The following TIFAB variants were observed in gnomAD, a reference collection of about 807,000 sequenced individuals.
TIFAB encodes the protein TRAF-interacting protein with FHA domain-containing protein B.
For synonymous variants in TIFAB, 116 were observed against 95.2 expected, an observed-to-expected ratio of 1.22 and a Z score of -1.27; for missense variants, 222 against 203.6, an observed-to-expected ratio of 1.09 and a Z score of -0.55.
rs73789361 is a variant in TIFAB, at chr5:135,445,363, G to A, written c.*4091C>T. 0.038 allele frequency: 5,850 copies of A among 152,466 alleles called. 147 individuals are homozygous for A. Among genetic ancestry groups the A allele is most frequent in the African/African-American group, 0.066 (2,756 of 41,572 alleles). 9.4% of individuals were successfully genotyped at this position (152,466 alleles called of 1,614,324 possible). Reference sequence around the variant, plus strand: ...CTGCGCTGCCCCAGCCAGAGGGTCTGTGCTGTCCCTGCTGAGGCCTACAGG... The same window carrying A: ...CTGCGCTGCCCCAGCCAGAGGGTCTATGCTGTCCCTGCTGAGGCCTACAGG... On this transcript the variant is annotated 3_prime_UTR_variant, in exon 2 of 2. Coordinates refer to ENST00000537858, the MANE Select transcript of TIFAB (RefSeq NM_001099221.2).
In TIFAB at chr5:135,447,236, C is replaced by T; in HGVS notation, c.*2218G>A. ...ATTATACTAACCCTGCCTATTGGAC[C>T]TTCTGATGCAAGGAGCAGATTAAAA... On this transcript the variant is annotated 3_prime_UTR_variant, in exon 2 of 2. Transcript: ENST00000537858. 8.8e-7 allele frequency: 1 copy of T among 1,139,054 alleles called. No homozygotes were observed. Among genetic ancestry groups the T allele is most frequent in the African/African-American group, 1.5e-5 (1 of 64,612 alleles). The allele number at this position is 1,139,054 out of a possible 1,614,324, so 70.6% of individuals were successfully genotyped here. A position where few individuals can be genotyped will look rare whatever the true frequency, so the allele number is the denominator to read the frequency against.
chr5:135,446,401 G>A lies in TIFAB; in HGVS notation c.*3053C>T, dbSNP rs771910221. The A allele has an allele frequency of 1.9e-5, 30 of 1,608,208 alleles. No homozygotes were observed. Among genetic ancestry groups the A allele is most frequent in the Non-Finnish European group, 2.5e-5 (29 of 1,175,426 alleles). On this transcript the variant is annotated 3_prime_UTR_variant, in exon 2 of 2. Transcript: ENST00000537858. ...ACTCAGGCACGTGGGCTGCCCTGCG[G>A]TGGGAGCTGAGAGAATGCAGTGGAG...
In TIFAB at chr5:135,449,139, T is replaced by C. The variant is rs932720084; in HGVS notation, c.*315A>G. 1.6e-5 allele frequency: 6 copies of C among 380,582 alleles called. No individual in the cohort carries two copies. Among genetic ancestry groups the C allele is most frequent in the Middle Eastern group, 7.9e-4 (1 of 1,272 alleles). The allele number at this position is 380,582 out of a possible 1,614,324, so 23.6% of individuals were successfully genotyped here. The stretch of plus-strand genomic sequence containing the variant: ...CAGGGCCTCTAAAAGTATATGATGT[T>C]CCCATTACATTGCATAGCTCTGGCC... On this transcript the variant is annotated 3_prime_UTR_variant, in exon 2 of 2. Transcript: ENST00000537858.
rs1025667737 is a variant in TIFAB at position 135,446,673 on chromosome 5, C to T, written c.*2781G>A. 3 of 1,613,814 alleles carry T rather than the reference C, an allele frequency of 1.9e-6. No homozygotes were observed. The highest frequency in any genetic ancestry group is 2.7e-5 in the African/African-American group (2 of 74,936). The stretch of plus-strand genomic sequence containing the variant: ...GCAAGGTGTGAGTTTCCCGGTGAGA[C>T]TGTGTGAACTGTGAACGGGTAGAGT... On this transcript the variant is annotated 3_prime_UTR_variant, in exon 2 of 2. Transcript: ENST00000537858.
Position 135,446,999 on chromosome 5 carries a change from A to T in TIFAB, c.*2455T>A. ...TGGAGCTGGGGAGTGGCACCCTGGGAACTCTGGGGTTTCCCCACCAGCTCC... is the reference window on the plus strand; with the variant it reads ...TGGAGCTGGGGAGTGGCACCCTGGGTACTCTGGGGTTTCCCCACCAGCTCC... On this transcript the variant is annotated 3_prime_UTR_variant, in exon 2 of 2. Transcript: ENST00000537858. 6.2e-7 allele frequency: 1 copy of T among 1,613,540 alleles called. No homozygotes were observed. The highest frequency in any genetic ancestry group is 8.5e-7 in the Non-Finnish European group (1 of 1,179,668).
Position 135,449,710 on chromosome 5 carries a change from G to C in TIFAB, c.230C>G (p.Ala77Gly), listed in dbSNP as rs1484868005. The C allele has an allele frequency of 1.2e-6, 2 of 1,614,106 alleles. No individual in the cohort carries two copies. The highest frequency in any genetic ancestry group is 1.7e-5 in the Admixed American group (1 of 60,032). Residue 77 changes from alanine (A) to glycine (G), a missense_variant, in exon 2 of 2, where the codon GCC (alanine) becomes GGC (glycine). Transcript: ENST00000537858. The stretch of plus-strand genomic sequence containing the variant: ...CCACACACAGCCCTTGCGGCTCAGG[G>C]CCTTGAGGCAGAAGGCCAGCAGGGC... ...GSALLAFCLK[A>G]LSRKGCVWVN...
Position 135,445,022 on chromosome 5 carries a change from G to C in TIFAB, c.*4432C>G, listed in dbSNP as rs928509202. On this transcript the variant is annotated 3_prime_UTR_variant, in exon 2 of 2. Transcript: ENST00000537858. Reference sequence around the variant, plus strand: ...CTGCATAGCCCAGGGGTGGAGAGAGGGGTCAGACTAGAACCTATGGAGACT... The same window carrying C: ...CTGCATAGCCCAGGGGTGGAGAGAGCGGTCAGACTAGAACCTATGGAGACT... 1.3e-5 allele frequency: 2 copies of C among 152,292 alleles called. No individual in the cohort carries two copies. Among genetic ancestry groups the C allele is most frequent in the African/African-American group, 2.4e-5 (1 of 41,436 alleles). 9.4% of individuals were successfully genotyped at this position (152,292 alleles called of 1,614,324 possible). A position where few individuals can be genotyped will look rare whatever the true frequency, so the allele number is the denominator to read the frequency against.
In TIFAB at chr5:135,444,924, T is replaced by A. The variant is rs1432705979; in HGVS notation, c.*4530A>T. ...GCATCACGTTCTCAGTCCTTTCCTG[T>A]GTGGATGGAGTGTTGGCACAGTGAG... is the stretch of plus-strand genomic sequence containing the variant. On this transcript the variant is annotated 3_prime_UTR_variant, in exon 2 of 2. Coordinates refer to ENST00000537858, the MANE Select transcript of TIFAB (RefSeq NM_001099221.2). 1.3e-5 allele frequency: 2 copies of A among 152,414 alleles called. No homozygotes were observed. The highest frequency in any genetic ancestry group is 1.3e-4 in the Admixed American group (2 of 15,288). The allele number at this position is 152,414 out of a possible 1,614,324, so 9.4% of individuals were successfully genotyped here.
chr5:135,448,861 T>G lies in TIFAB; in HGVS notation c.*593A>C, dbSNP rs1769317672. 1 of 155,974 alleles carries G rather than the reference T, an allele frequency of 6.4e-6. No homozygotes were observed. Among genetic ancestry groups the G allele is most frequent in the East Asian group, 1.9e-4 (1 of 5,342 alleles). The allele number at this position is 155,974 out of a possible 1,614,324, so 9.7% of individuals were successfully genotyped here. A position where few individuals can be genotyped will look rare whatever the true frequency, so the allele number is the denominator to read the frequency against. The stretch of plus-strand genomic sequence containing the variant: ...GGGGATCAGGGAATCCTATTGGGTA[T>G]GCCAGCTTAATGAAATACTTGCAGT... On this transcript the variant is annotated 3_prime_UTR_variant, in exon 2 of 2. Transcript: ENST00000537858.
chr5:135,448,349 C>T lies in TIFAB; in HGVS notation c.*1105G>A, dbSNP rs1349344105. 6.6e-6 allele frequency: 1 copy of T among 152,174 alleles called. No homozygotes were observed. Among genetic ancestry groups the T allele is most frequent in the South Asian group, 2.1e-4 (1 of 4,822 alleles). The allele number at this position is 152,174 out of a possible 1,614,324, so 9.4% of individuals were successfully genotyped here. ...CATGTAGATCCCTCCCTGCATCACA[C>T]TAGTGAACGTTGTTTCTAAACCACA... On this transcript the variant is annotated 3_prime_UTR_variant, in exon 2 of 2. Coordinates refer to ENST00000537858, the MANE Select transcript of TIFAB (RefSeq NM_001099221.2).
rs1280769935 is a variant in TIFAB, at chr5:135,446,671, G to A, written c.*2783C>T. 2.7e-5 allele frequency: 44 copies of A among 1,613,884 alleles called. No homozygotes were observed. The highest frequency in any genetic ancestry group is 3.6e-5 in the Non-Finnish European group (43 of 1,179,860). ...GGGCAAGGTGTGAGTTTCCCGGTGA[G>A]ACTGTGTGAACTGTGAACGGGTAGA... On this transcript the variant is annotated 3_prime_UTR_variant, in exon 2 of 2. Coordinates refer to ENST00000537858, the MANE Select transcript of TIFAB (RefSeq NM_001099221.2).
chr5:135,449,823 T>C lies in TIFAB; in HGVS notation c.117A>G (p.Gly39=). Residue 39 remains glycine (G), a synonymous_variant, in exon 2 of 2, where the codon GGA becomes GGG. Transcript: ENST00000537858. ...LQHDTSPLLL[G]RGQDAHLQLQ... ...GCTGGAGGTGGGCGTCCTGCCCCCG[T>C]CCGAGAAGCAGAGGGCTGGTATCAT... The C allele has an allele frequency of 6.2e-7, 1 of 1,609,110 alleles. No individual in the cohort carries two copies. Among genetic ancestry groups the C allele is most frequent in the Non-Finnish European group, 8.5e-7 (1 of 1,176,540 alleles).
At chr5:135,451,902 G>C (rs1005682395) in intron 1 of TIFAB, among the ~76,000 whole-genome samples, 1 of 152,158 alleles carries the variant, frequency 6.6e-6, no homozygotes, top group Non-Finnish European at 1.5e-5. Flanking sequence ...CTAATATCAC[G>C]GCACAGAGAC....
chr5:135,449,400 G>A lies in TIFAB; in HGVS notation c.*54C>T, dbSNP rs568311365. Reference sequence around the variant, plus strand: ...CCTCCTCCAGGTCTTGGCTGGAGAGGGCTGTCCCAAGTCTGGGAAGGGCCG... The same window carrying A: ...CCTCCTCCAGGTCTTGGCTGGAGAGAGCTGTCCCAAGTCTGGGAAGGGCCG... On this transcript the variant is annotated 3_prime_UTR_variant, in exon 2 of 2. Coordinates refer to ENST00000537858, the MANE Select transcript of TIFAB (RefSeq NM_001099221.2). The A allele has an allele frequency of 1.5e-5, 24 of 1,594,250 alleles. No individual in the cohort carries two copies. In the African/African-American group the frequency reaches 2.8e-4, roughly 19 times the overall value.
chr5:135,451,524 C>T (rs1053768957), intron 1 of TIFAB, among the ~76,000 whole-genome samples: 6 of 150,916 alleles, frequency 4.0e-5, no homozygotes, highest in Non-Finnish European at 7.4e-5. Context: ...CACACTGTCA[C>T]CCAGGCTGGA....
rs1375632918 is a variant in TIFAB at position 135,446,930 on chromosome 5, AGAG to A, written c.*2521_*2523del. 18 of 1,613,130 alleles carry A rather than the reference AGAG, an allele frequency of 1.1e-5. No individual in the cohort carries two copies. Among genetic ancestry groups the A allele is most frequent in the South Asian group, 2.2e-5 (2 of 90,972 alleles). On this transcript the variant is annotated 3_prime_UTR_variant, in exon 2 of 2. Transcript: ENST00000537858. ...GTAGAGACCCTCACTGAGGCCCTGG[AGAG>A]GGGCACTCAGGGGCAGCAGCTCATT...
At position 135,446,580 on chromosome 5, in the gene TIFAB, A is replaced by AT. The variant is rs1407263614; in HGVS notation, c.*2873dup. ...TGCCATGGATCTGATGATTTCAGTGATTTTCTACTCAAGAAAAATGAAGTC... is the reference window on the plus strand; with the variant it reads ...TGCCATGGATCTGATGATTTCAGTGATTTTTCTACTCAAGAAAAATGAAGTC... On this transcript the variant is annotated 3_prime_UTR_variant, in exon 2 of 2. Transcript: ENST00000537858. 2 of 1,613,890 alleles carry AT rather than the reference A, an allele frequency of 1.2e-6. No individual in the cohort carries two copies. The highest frequency in any genetic ancestry group is 2.2e-5 in the East Asian group (1 of 44,874).
Position 135,449,354 on chromosome 5 carries a change from C to T in TIFAB, c.*100G>A. ...GCAGAGTGCACTGTCTGGGGGTTCC[C>T]TCTGGAGCTGTATTTCTGTTCCTCC... On this transcript the variant is annotated 3_prime_UTR_variant, in exon 2 of 2. Coordinates refer to ENST00000537858, the MANE Select transcript of TIFAB (RefSeq NM_001099221.2). The T allele has an allele frequency of 6.6e-7, 1 of 1,522,614 alleles. No individual in the cohort carries two copies. The highest frequency in any genetic ancestry group is 1.4e-5 in the African/African-American group (1 of 73,034). The allele number at this position is 1,522,614 out of a possible 1,614,324, so 94.3% of individuals were successfully genotyped here.
Position 135,449,685 on chromosome 5 carries a change from C to T in TIFAB, c.255G>A (p.Trp85Ter), listed in dbSNP as rs1417103624. The T allele has an allele frequency of 2.5e-6, 4 of 1,614,054 alleles. No homozygotes were observed. Among genetic ancestry groups the T allele is most frequent in the Non-Finnish European group, 8.5e-7 (1 of 1,180,058 alleles). Reference sequence around the variant, plus strand: ...GGTACCTCAGCGTCAGCCCATTGACCCACACACAGCCCTTGCGGCTCAGGG... The same window carrying T: ...GGTACCTCAGCGTCAGCCCATTGACTCACACACAGCCCTTGCGGCTCAGGG... ...LKALSRKGCV[W>*]VNGLTLRYLE... The change falls in exon 2 of 2, where the codon TGG (tryptophan) becomes TGA (stop). Residue 85 changes from tryptophan to a stop codon, truncating the protein, a stop_gained. Coordinates refer to ENST00000537858, the MANE Select transcript of TIFAB (RefSeq NM_001099221.2). LOFTEE classifies it low-confidence loss of function (END_TRUNC).
Sources: gnomAD v4.1 joint callset for allele counts (sites outside exome capture counted in the v4.1 genomes callset) on GRCh38, gnomAD v4.1.1 for gene constraint, MANE v1.5 for transcripts, NCBI Gene and HGNC (gene_info 2026-07-23, HGNC 2026-07-21) for gene names.